GALNT14: variants seen among roughly 807,000 people sequenced by gnomAD.
GALNT14 encodes polypeptide N-acetylgalactosaminyltransferase 14, also known as UDP-GalNAc:polypeptide N-acetylgalactosaminyltransferase 14.
GALNT14 carries 60 observed loss-of-function variants against 77.5 expected under a neutral mutation model. The ratio of observed to expected loss-of-function variants is 0.77; its 90% CI spans 0.63 to 0.96. GALNT14 has a LOEUF of 0.96. Ranked by LOEUF, GALNT14 falls within the 40% of genes least tolerant of loss-of-function variation. The pLI, the probability that GALNT14 is intolerant of heterozygous loss-of-function variation, is 0.00. For synonymous variants in GALNT14, 280 were observed against 281.7 expected (o/e 0.99, Z 0.06); for missense variants, 710 against 731.0 (o/e 0.97, Z 0.33).
intron 10 of GALNT14, 80 bp from the exon 11 acceptor site, chr2:30,929,567 G>A (rs1665603267): frequency 9.5e-7 from 1 of 1,049,238 alleles, no homozygotes; most frequent in Non-Finnish European, 1.4e-6. Context: ...AAATACACAT[G>A]TGTGGGCTGA....
intron 9 of GALNT14, among the ~76,000 whole-genome samples, chr2:30,933,804 C>T (rs180924312): frequency 6.6e-6 from 1 of 152,358 alleles, no homozygotes; most frequent in African/African-American, 2.4e-5. Context: ...CTTAAGCTCG[C>T]GGAGGCCTGA....
chr2:31,124,092 G>A (rs1007531741), intron 1 of GALNT14, among the ~76,000 whole-genome samples: 1 of 152,094 alleles, frequency 6.6e-6, no homozygotes, highest in Non-Finnish European at 1.5e-5. Flanking sequence ...ACCCCATATG[G>A]GTTTGCCGGA....
At position 30,982,004 on chromosome 2, in the gene GALNT14, G is replaced by T. The variant is rs147844681; in HGVS notation, c.299+10834C>A. ...TCCAGAAGAAAGGCAGGTTACTGAG[G>T]GGGGAACTGACAGCCAGGCCCTCTG... On this transcript the variant is annotated intron_variant, in intron 2 of 14. Coordinates refer to ENST00000349752, the MANE Select transcript of GALNT14 (RefSeq NM_024572.4). Among the ~76,000 whole-genome samples the T allele has an allele frequency of 2.0e-5, 3 of 152,168 alleles. No individual in the cohort carries two copies. In the East Asian group the frequency reaches 5.8e-4, roughly 29 times the overall value.
chr2:30,987,610 T>C (rs1028822971), intron 2 of GALNT14, among the ~76,000 whole-genome samples: 1 of 152,176 alleles, frequency 6.6e-6, no homozygotes, highest in African/African-American at 2.4e-5. Flanking sequence ...CATGGTGCCC[T>C]GCATGGCTTG....
intron 1 of GALNT14, chr2:31,129,399 C>G (rs1189730257): frequency 1.0e-6 from 1 of 985,312 alleles, no homozygotes; most frequent in East Asian, 1.1e-4. Flanking sequence ...CCTGATTCAC[C>G]CTTTAATTAG....
At chr2:30,896,473 C>T in the GALNT14 span, among the ~76,000 whole-genome samples, 14 of 152,088 alleles carry the variant, frequency 9.2e-5, no homozygotes, top group Non-Finnish European at 1.3e-4. Flanking sequence ...TTACTTAACC[C>T]GCTTGGTTCT....
chr2:30,964,999 C>T (rs997470068), intron 3 of GALNT14, among the ~76,000 whole-genome samples: 38 of 152,116 alleles, frequency 2.5e-4, no homozygotes, highest in African/African-American at 8.2e-4. Flanking sequence ...TCTGTGGCAT[C>T]GGCACCAGCT....
At chr2:31,110,675 T>C (rs1677789984) in intron 1 of GALNT14, among the ~76,000 whole-genome samples, 1 of 152,192 alleles carries the variant, frequency 6.6e-6, no homozygotes, top group South Asian at 2.1e-4. Flanking sequence ...GGGCAAGCCA[T>C]GCCTGCCCTG....
downstream of GALNT14, among the ~76,000 whole-genome samples, chr2:30,906,832 A>G (rs2148186909): frequency 6.6e-6 from 1 of 152,358 alleles, no homozygotes; most frequent in South Asian, 2.1e-4. Context: ...CAGCAGATGT[A>G]AAAGAACAGA....
intron 2 of GALNT14, among the ~76,000 whole-genome samples, chr2:30,986,578 T>C (rs983917391): frequency 2.6e-5 from 4 of 152,224 alleles, no homozygotes; most frequent in African/African-American, 7.2e-5. Context: ...TTGTGGCTAA[T>C]AGTTCTCTAT....
chr2:30,934,645 GC>G (rs991029469), intron 9 of GALNT14, among the ~76,000 whole-genome samples: 1 of 151,926 alleles, frequency 6.6e-6, no homozygotes, highest in Non-Finnish European at 1.5e-5. Flanking sequence ...CCTCCCTTCT[GC>G]CACAGCCATG....
Position 31,114,490 on chromosome 2 carries a change from A to C in GALNT14, c.129+23468T>G, listed in dbSNP as rs527400704. On this transcript the variant is annotated intron_variant, in intron 1 of 14. Coordinates refer to ENST00000349752, the MANE Select transcript of GALNT14 (RefSeq NM_024572.4). ...AAAAATCATGATTTTTCAAACTAAAAAGCTCAGCAGAGTAGTTGATGAAAA... is the reference window on the plus strand; with the variant it reads ...AAAAATCATGATTTTTCAAACTAAACAGCTCAGCAGAGTAGTTGATGAAAA... 3.9e-5 allele frequency among the ~76,000 whole-genome samples: 6 copies of C among 152,318 alleles called. 1 individual carries two copies. In the South Asian group the frequency reaches 1.2e-3, roughly 32 times the overall value.
At chr2:31,076,110 A>G (rs1675763982) in intron 1 of GALNT14, among the ~76,000 whole-genome samples, 1 of 152,228 alleles carries the variant, frequency 6.6e-6, no homozygotes, top group Non-Finnish European at 1.5e-5. Flanking sequence ...TAACAGCTGG[A>G]AGAACTGGAG....
At chr2:30,973,384 G>A (rs1299100874) in intron 2 of GALNT14, among the ~76,000 whole-genome samples, 2 of 152,306 alleles carry the variant, frequency 1.3e-5, no homozygotes, top group Admixed American at 6.5e-5. Flanking sequence ...AAGAATGAGC[G>A]GAGAAAAGCT....
At chr2:31,129,736 G>C in intron 1 of GALNT14, 18 of 645,802 alleles carry the variant, frequency 2.8e-5, no homozygotes, top group South Asian at 6.9e-5. Context: ...GGGTGGGAGG[G>C]ACATCAATGA....
intron 1 of GALNT14, among the ~76,000 whole-genome samples, chr2:31,109,434 T>C (rs920557574): frequency 6.6e-6 from 1 of 152,214 alleles, no homozygotes; most frequent in African/African-American, 2.4e-5. Context: ...ATAGCACTGA[T>C]ACTTTTAGAA....
At chr2:30,895,594 T>C in the GALNT14 span, among the ~76,000 whole-genome samples, 1 of 152,192 alleles carries the variant, frequency 6.6e-6, no homozygotes, top group Admixed American at 6.5e-5. Context: ...TCAAAGGTAG[T>C]GTGGGGAAGC....
At chr2:31,058,636 C>T (rs1372744163) in intron 1 of GALNT14, among the ~76,000 whole-genome samples, 1 of 152,138 alleles carries the variant, frequency 6.6e-6, no homozygotes, top group African/African-American at 2.4e-5. Flanking sequence ...GCTCAGGGCA[C>T]TAGATGGTAC....
chr2:30,893,115 A>G, the GALNT14 span, among the ~76,000 whole-genome samples: 1 of 152,240 alleles, frequency 6.6e-6, no homozygotes, highest in Non-Finnish European at 1.5e-5. Flanking sequence ...AAGTTATGAA[A>G]TAGGAAGATA....
Sources: gnomAD v4.1 joint callset for allele counts (sites outside exome capture counted in the v4.1 genomes callset) on GRCh38, gnomAD v4.1.1 for gene constraint, MANE v1.5 for transcripts, NCBI Gene and HGNC (gene_info 2026-07-23, HGNC 2026-07-21) for gene names.